The following EBF4 variants were observed in gnomAD, a reference collection of about 807,000 sequenced individuals.
EBF4 encodes transcription factor COE4.
Under a neutral mutation model 67.1 loss-of-function variants are expected in EBF4, and 34 were observed. The ratio of observed to expected loss-of-function variants is 0.51; its 90% confidence interval spans 0.39 to 0.67. The LOEUF (loss-of-function observed/expected upper bound fraction) is 0.67. Among genes scored for constraint, EBF4 ranks in the 30% least tolerant of loss-of-function variants. The pLI is 0.00. For synonymous variants in EBF4, 387 were observed against 377.7 expected (o/e 1.02, Z -0.29); for missense variants, 837 against 873.3 (o/e 0.96, Z 0.52).
chr20:2,744,992 G>A (rs1226439997), intron 6 of EBF4, among the ~76,000 whole-genome samples: 2 of 152,154 alleles, frequency 1.3e-5, no homozygotes, highest in Non-Finnish European at 1.5e-5. Context: ...TACACTTACA[G>A]CACATCTCAA....
Position 2,707,476 on chromosome 20 carries a change from G to A in EBF4, c.415-471G>A, listed in dbSNP as rs953983136. 6.6e-6 allele frequency among the ~76,000 whole-genome samples: 1 copy of A among 152,126 alleles called. No individual in the cohort carries two copies. The highest frequency in any genetic ancestry group is 2.4e-5 in the African/African-American group (1 of 41,408). ...TTATCTAGGGGGAAGAGGCAGCTGT[G>A]CAGCCCTCGGAGCTGACTGGGCTGG... On this transcript the variant is annotated intron_variant, in intron 4 of 16. Transcript: ENST00000609451. This position sits in a 1 kb window ranked among gnomAD's most constrained non-coding sequence, Gnocchi z 4.6.
intron 1 of EBF4, among the ~76,000 whole-genome samples, chr20:2,697,263 G>A (rs902971624): frequency 1.3e-5 from 2 of 152,168 alleles, no homozygotes; most frequent in African/African-American, 4.8e-5. Flanking sequence ...GGGGTAGGGA[G>A]GGCCGGGTGC....
At chr20:2,750,094 A>G (rs1488957188) in intron 10 of EBF4, 121 bp downstream of exon 10, 39 of 1,394,584 alleles carry the variant, frequency 2.8e-5, no homozygotes, top group Non-Finnish European at 3.5e-5. Context: ...CACGACCCCT[A>G]GACGGCCCCG....
intron 5 of EBF4, 91 bp downstream of exon 5, chr20:2,708,111 C>T (rs2087485382): frequency 2.9e-5 from 39 of 1,334,842 alleles, no homozygotes; most frequent in Non-Finnish European, 4.0e-5. Flanking sequence ...GCCCTTGCCC[C>T]TGGCTGCTCT....
chr20:2,706,154 A>T, intron 3 of EBF4, 55 bp from the exon 4 acceptor site: 9 of 1,551,270 alleles, frequency 5.8e-6, no homozygotes, highest in Non-Finnish European at 7.9e-6. Context: ...TGGTCTGGTC[A>T]TTGAGGCTGC....
At chr20:2,701,838 GT>G (rs1404293868) in intron 1 of EBF4, among the ~76,000 whole-genome samples, 1 of 152,244 alleles carries the variant, frequency 6.6e-6, no homozygotes, top group Non-Finnish European at 1.5e-5. Context: ...CCACTAGGTG[GT>G]CCTGGAACCC....
At chr20:2,752,106 G>A (rs1055778644) in exon 13 of EBF4, 1 of 1,461,026 alleles carries the variant, frequency 6.8e-7, no homozygotes. Flanking sequence ...TGAAGCGCGC[G>A]GCGGACGTGG....
rs929290592 is a variant in EBF4 at position 2,755,379 on chromosome 20, T to C, written c.1541-248T>C. The C allele has an allele frequency of 2.6e-5, 13 of 497,540 alleles. No individual in the cohort carries two copies. Among genetic ancestry groups the C allele is most frequent in the Non-Finnish European group, 2.8e-5 (8 of 283,240 alleles). 30.8% of individuals were successfully genotyped at this position (497,540 alleles called of 1,614,324 possible). A position where few individuals can be genotyped will look rare whatever the true frequency, so the allele number is the denominator to read the frequency against. On this transcript the variant is annotated intron_variant, in intron 14 of 16. Transcript: ENST00000609451. The surrounding 1 kb of genome is among the most constrained non-coding windows in gnomAD (Gnocchi z 4.7). The stretch of plus-strand genomic sequence containing the variant: ...CCCACTGTTTGTTTTTTTTGAATGT[T>C]CTGGTTTTGCTTTTGTCTTTACCTG...
At chr20:2,706,911 A>C (rs2087466783) in intron 4 of EBF4, among the ~76,000 whole-genome samples, 1 of 152,230 alleles carries the variant, frequency 6.6e-6, no homozygotes, top group Non-Finnish European at 1.5e-5. Context: ...TACGGGAAGG[A>C]GGCTCAGAGG....
chr20:2,748,761 T>G, intron 7 of EBF4, 131 bp downstream of exon 7: 3 of 1,060,712 alleles, frequency 2.8e-6, no homozygotes, highest in Middle Eastern at 3.1e-4. Context: ...CCCAGCCCTG[T>G]GCCTCCCCAG....
intron 6 of EBF4, among the ~76,000 whole-genome samples, chr20:2,723,870 T>C (rs1334944453): frequency 6.6e-6 from 1 of 152,244 alleles, no homozygotes; most frequent in Non-Finnish European, 1.5e-5. Flanking sequence ...TCTATGTTTC[T>C]TTGTTTTCAT....
In EBF4 at chr20:2,755,364, G is replaced by GC; in HGVS notation, c.1541-263_1541-262insC. 1 of 487,472 alleles carries GC rather than the reference G, an allele frequency of 2.1e-6. No homozygotes were observed. The highest frequency in any genetic ancestry group is 3.6e-6 in the Non-Finnish European group (1 of 276,546). The allele number at this position is 487,472 out of a possible 1,614,324, so 30.2% of individuals were successfully genotyped here. A position where few individuals can be genotyped will look rare whatever the true frequency, so the allele number is the denominator to read the frequency against. On this transcript the variant is annotated intron_variant, in intron 14 of 16. Coordinates refer to ENST00000609451, the Ensembl canonical transcript of EBF4. This position sits in a 1 kb window ranked among gnomAD's most constrained non-coding sequence, Gnocchi z 4.7. ...TTTTGGGGGGTACCTCCCACTGTTT[G>GC]TTTTTTTTGAATGTTCTGGTTTTGC...
intron 1 of EBF4, among the ~76,000 whole-genome samples, chr20:2,695,205 C>T (rs987990598): frequency 1.1e-4 from 16 of 151,658 alleles, no homozygotes; most frequent in Non-Finnish European, 1.6e-4. Flanking sequence ...GGCGAGAGCT[C>T]TTTGTAAGAG....
chr20:2,736,527 C>T (rs1248037850), intron 6 of EBF4, among the ~76,000 whole-genome samples: 1 of 152,236 alleles, frequency 6.6e-6, no homozygotes, highest in Non-Finnish European at 1.5e-5. Flanking sequence ...TGTCATCCAT[C>T]TCCTTCCACG....
intron 1 of EBF4, among the ~76,000 whole-genome samples, chr20:2,694,007 T>G (rs2087250965): frequency 6.6e-6 from 1 of 152,152 alleles, no homozygotes; most frequent in Admixed American, 6.5e-5. Flanking sequence ...CCCGGTAGAT[T>G]TCTGACGGCC....
chr20:2,747,301 C>G lies in EBF4; in HGVS notation c.558-1248C>G, dbSNP rs1001565610. On this transcript the variant is annotated intron_variant, in intron 6 of 16. Transcript: ENST00000609451. The surrounding 1 kb of genome is among the most constrained non-coding windows in gnomAD (Gnocchi z 4.6). ...AACAGAGCAAGACTCTGTCTCAAAACAAAAAACAAAACAAACAAAAAAAAA... is the reference window on the plus strand; with the variant it reads ...AACAGAGCAAGACTCTGTCTCAAAAGAAAAAACAAAACAAACAAAAAAAAA... Among the ~76,000 whole-genome samples the G allele has an allele frequency of 7.9e-5, 7 of 88,300 alleles. No homozygotes were observed. The highest frequency in any genetic ancestry group is 1.8e-4 in the Non-Finnish European group (7 of 39,794). The allele number at this position is 88,300 out of a possible 152,430, so 57.9% of individuals were successfully genotyped here.
At chr20:2,695,383 C>T (rs2087274072) in intron 1 of EBF4, among the ~76,000 whole-genome samples, 1 of 152,138 alleles carries the variant, frequency 6.6e-6, no homozygotes. Context: ...ATAAGGCTTC[C>T]CCCAGAGCAT....
chr20:2,742,850 G>C (rs978786869), intron 6 of EBF4, among the ~76,000 whole-genome samples: 1 of 152,182 alleles, frequency 6.6e-6, no homozygotes, highest in Non-Finnish European at 1.5e-5. Flanking sequence ...GACAAGCAGG[G>C]CTTCAAGCCC....
chr20:2,710,408 C>A (rs1345448230), intron 6 of EBF4, among the ~76,000 whole-genome samples: 1 of 152,134 alleles, frequency 6.6e-6, no homozygotes, highest in East Asian at 1.9e-4. Context: ...CCTCGACCTT[C>A]CAAAGTGCTG....
Sources: gnomAD v4.1 joint callset for allele counts (sites outside exome capture counted in the v4.1 genomes callset) on GRCh38, gnomAD v4.1.1 for gene constraint, Gnocchi (gnomAD v3.1) non-coding constraint, MANE v1.5 for transcripts, NCBI Gene and HGNC (gene_info 2026-07-23, HGNC 2026-07-21) for gene names.